The following KDM6A variants were observed in gnomAD, a reference collection of about 807,000 sequenced individuals.
KDM6A encodes lysine-specific demethylase 6A.
KDM6A carries 11 observed loss-of-function variants against 117.6 expected under a neutral mutation model. The ratio of observed to expected loss-of-function variants is 0.09; its 90% CI spans 0.06 to 0.15. The LOEUF is 0.15. KDM6A is among the 10% of genes least tolerant of loss of function. KDM6A has a pLI of 1.00. For synonymous variants in KDM6A, 384 were observed against 396.1 expected (o/e 0.97, Z 0.36); for missense variants, 799 against 1,077.3 (o/e 0.74, Z 3.62).
intron 8 of KDM6A, among the ~76,000 whole-genome samples, chrX:45,040,370 C>G (rs1232778832): frequency 1.1e-5 from 1 of 92,536 alleles, no homozygotes; most frequent in Admixed American, 1.1e-4. Context: ...CCTCACCTCC[C>G]GGACAGGGCG....
At chrX:44,969,411 C>CTTTTTTTTTTTTTT (rs11288771) in intron 3 of KDM6A, among the ~76,000 whole-genome samples, 4 of 35,974 alleles carry the variant, frequency 1.1e-4, no homozygotes, top group Non-Finnish European at 1.9e-4. Context: ...CTCTTTTTAT[C>CTTTTTTTTTTTTTT]TTTTTTTTTT....
chrX:44,901,578 A>G (rs1258627098), intron 2 of KDM6A, among the ~76,000 whole-genome samples: 1 of 110,756 alleles, frequency 9.0e-6, no homozygotes, highest in African/African-American at 3.3e-5. Flanking sequence ...GAAGCCTCCA[A>G]CTAATGTTGA....
intron 8 of KDM6A, among the ~76,000 whole-genome samples, chrX:45,043,157 GT>G (rs1160157238): frequency 9.0e-6 from 1 of 111,022 alleles, no homozygotes; most frequent in African/African-American, 3.3e-5. Context: ...GGATATGGTG[GT>G]GCATGCCTGT....
chrX:45,095,069 T>A (rs777950520), intron 27 of KDM6A, among the ~76,000 whole-genome samples: 1 of 111,094 alleles, frequency 9.0e-6, no homozygotes, highest in South Asian at 3.9e-4. Context: ...GAGGAAGGAG[T>A]GAATGAAAGA....
chrX:45,026,408 GGAATACAT>G (rs2042366120), intron 6 of KDM6A, among the ~76,000 whole-genome samples: 1 of 111,886 alleles, frequency 8.9e-6, no homozygotes. Context: ...TTAGGCAGAA[GGAATACAT>G]GAAGACATGA....
At chrX:45,093,384 AC>A (rs1251543470) in intron 27 of KDM6A, among the ~76,000 whole-genome samples, 2 of 106,648 alleles carry the variant, frequency 1.9e-5, no homozygotes, top group African/African-American at 7.1e-5. Context: ...CAAAAAAAAA[AC>A]AAACAAACAA....
chrX:44,886,867 T>C, intron 2 of KDM6A, among the ~76,000 whole-genome samples: 1 of 110,882 alleles, frequency 9.0e-6, no homozygotes, highest in Non-Finnish European at 1.9e-5. Flanking sequence ...AAAGAGAAAA[T>C]AGGTAAATTT....
chrX:45,093,009 G>A (rs1023362853), intron 27 of KDM6A, among the ~76,000 whole-genome samples: 2 of 111,390 alleles, frequency 1.8e-5, no homozygotes, highest in African/African-American at 6.5e-5. Flanking sequence ...ATGGTAAGAA[G>A]TTTATATATT....
At chrX:44,981,640 A>T (rs776294185) in intron 4 of KDM6A, among the ~76,000 whole-genome samples, 1 of 111,806 alleles carries the variant, frequency 8.9e-6, no homozygotes, top group African/African-American at 3.3e-5. Context: ...AAAAGTCCCA[A>T]CGTTCTAATC....
In KDM6A at chrX:45,111,628, T is replaced by A; in HGVS notation, c.*217T>A. 1 of 391,536 alleles carries A rather than the reference T, an allele frequency of 2.6e-6. No individual in the cohort carries two copies. The highest frequency in any genetic ancestry group is 4.5e-6 in the Non-Finnish European group (1 of 223,316). 32.3% of individuals were successfully genotyped at this position (391,536 alleles called of 1,213,427 possible). A position where few individuals can be genotyped will look rare whatever the true frequency, so the allele number is the denominator to read the frequency against. On this transcript the variant is annotated 3_prime_UTR_variant, in exon 30 of 30. Transcript: ENST00000611820. ...TGATGAGCTGTACTTCAGAAAAAAATAATAATTTCCATGTTTTGTATATAT... is the reference window on the plus strand; with the variant it reads ...TGATGAGCTGTACTTCAGAAAAAAAAAATAATTTCCATGTTTTGTATATAT...
intron 4 of KDM6A, among the ~76,000 whole-genome samples, chrX:44,982,362 G>A (rs753943772): frequency 6.3e-5 from 7 of 110,885 alleles, no homozygotes; most frequent in African/African-American, 2.3e-4. Context: ...TTTATAAAGG[G>A]TTTGATAGAG....
At chrX:44,910,887 A>G (rs913619198) in intron 2 of KDM6A, among the ~76,000 whole-genome samples, 2 of 112,322 alleles carry the variant, frequency 1.8e-5, no homozygotes, top group South Asian at 3.7e-4. Flanking sequence ...GGAGTCTCCT[A>G]TGTCTACTTC....
chrX:44,920,884 T>A (rs747518863), intron 2 of KDM6A, among the ~76,000 whole-genome samples: 52 of 104,821 alleles, frequency 5.0e-4, no homozygotes, highest in African/African-American at 1.8e-3. Flanking sequence ...TTTCTTTTTT[T>A]TTTTTTTTTA....
chrX:45,011,097 T>G lies in KDM6A; in HGVS notation c.443+78T>G, dbSNP rs185651528. 266 of 744,791 alleles carry G rather than the reference T, an allele frequency of 3.6e-4. No individual in the cohort carries two copies. In the African/African-American group the frequency reaches 4.0e-3, roughly 11 times the overall value. 61.4% of individuals were successfully genotyped at this position (744,791 alleles called of 1,213,427 possible). ...GCTTGTTTTGTTTGTGCTTGATTTT[T>G]TGTGTGTGTGTGTAATAAATAGAAA... is the stretch of plus-strand genomic sequence containing the variant. On this transcript the variant is annotated intron_variant, in intron 5 of 29. Coordinates refer to ENST00000611820, the MANE Select transcript of KDM6A (RefSeq NM_001291415.2).
chrX:44,911,554 G>A (rs749022177), intron 2 of KDM6A, among the ~76,000 whole-genome samples: 3 of 110,911 alleles, frequency 2.7e-5, no homozygotes, highest in African/African-American at 6.6e-5. Context: ...TGGGCAGCCG[G>A]GCAGAGGGGC....
chrX:45,065,141 A>T (rs1049162625), intron 17 of KDM6A, among the ~76,000 whole-genome samples: 1 of 112,028 alleles, frequency 8.9e-6, no homozygotes, highest in Non-Finnish European at 1.9e-5. Flanking sequence ...TCTGAAAGAT[A>T]GCATTTGGAT....
Position 44,956,781 on chromosome X carries a change from C to T in KDM6A, c.226-4503C>T, listed in dbSNP as rs1486648353. 2.7e-5 allele frequency among the ~76,000 whole-genome samples: 3 copies of T among 111,512 alleles called. No homozygotes were observed. In the Admixed American group the frequency reaches 2.9e-4, roughly 11 times the overall value. ...AATCCCTTAATCTATTTTAAGGAGT[C>T]TGCTGGTTGCTGGATGCTCAACCAT... is the stretch of plus-strand genomic sequence containing the variant. On this transcript the variant is annotated intron_variant, in intron 2 of 29. Transcript: ENST00000611820.
intron 2 of KDM6A, among the ~76,000 whole-genome samples, chrX:44,909,322 G>A (rs756977510): frequency 1.8e-5 from 2 of 111,545 alleles, no homozygotes; most frequent in Non-Finnish European, 3.8e-5. Context: ...GTATTCCGGC[G>A]TTCAAATACA....
intron 18 of KDM6A, among the ~76,000 whole-genome samples, chrX:45,071,265 CATGAT>C (rs2044819186): frequency 8.9e-6 from 1 of 111,785 alleles, no homozygotes; most frequent in African/African-American, 3.2e-5. Context: ...TGTAGATTGT[CATGAT>C]ATATAGAAAA....
Sources: gnomAD v4.1 joint callset for allele counts (sites outside exome capture counted in the v4.1 genomes callset) on GRCh38, gnomAD v4.1.1 for gene constraint, MANE v1.5 for transcripts, NCBI Gene and HGNC (gene_info 2026-07-23, HGNC 2026-07-21) for gene names.